SH3BGRL2: variants seen among roughly 807,000 people sequenced by gnomAD.
SH3BGRL2 encodes the protein SH3 domain-binding glutamic acid-rich-like protein 2.
SH3BGRL2 carries 21 observed loss-of-function variants against 14.8 expected under a neutral mutation model. That is an observed-to-expected ratio of 1.42 (90% CI 1.01 to 2.05). SH3BGRL2 has a LOEUF of 2.05. Among genes scored for constraint, SH3BGRL2 ranks in the 30% most tolerant of loss-of-function variants. SH3BGRL2 has a pLI of 0.00. For synonymous variants in SH3BGRL2, 50 were observed against 47.8 expected (o/e 1.05, Z -0.19); for missense variants, 147 against 130.8 (o/e 1.12, Z -0.61).
At chr6:79,597,813 G>A in the SH3BGRL2 span, among the ~76,000 whole-genome samples, 1 of 152,166 alleles carries the variant, frequency 6.6e-6, no homozygotes, top group African/African-American at 2.4e-5. Flanking sequence ...CATCAAGAAA[G>A]TGAAAAGACA....
chr6:79,631,544 G>C (rs370151756), intron 1 of SH3BGRL2, 38 bp downstream of exon 1: 2 of 1,387,518 alleles, frequency 1.4e-6, no homozygotes, highest in South Asian at 1.8e-5. Flanking sequence ...TTGGGGTCGC[G>C]GGGCGCGGGT....
chr6:79,677,322 A>G (rs1043047166), intron 2 of SH3BGRL2, among the ~76,000 whole-genome samples: 1 of 152,200 alleles, frequency 6.6e-6, no homozygotes, highest in East Asian at 1.9e-4. Flanking sequence ...CATGTGAGGC[A>G]TAGAGTAAAC....
chr6:79,691,968 A>C (rs1358197176), intron 2 of SH3BGRL2, among the ~76,000 whole-genome samples: 1 of 152,000 alleles, frequency 6.6e-6, no homozygotes, highest in Non-Finnish European at 1.5e-5. Context: ...TTACAGTCCC[A>C]CCAACAGTGT....
the SH3BGRL2 span, among the ~76,000 whole-genome samples, chr6:79,542,926 C>A: frequency 2.0e-4 from 31 of 152,332 alleles, no homozygotes; most frequent in African/African-American, 7.0e-4. Flanking sequence ...TACCATCTTA[C>A]AGAGAACAGC....
the SH3BGRL2 span, among the ~76,000 whole-genome samples, chr6:79,619,774 T>C: frequency 4.6e-5 from 7 of 152,234 alleles, no homozygotes; most frequent in Admixed American, 4.6e-4. Context: ...TTAATACACC[T>C]TGGTTTTAGC....
At chr6:79,652,502 G>T (rs1388523820) in intron 1 of SH3BGRL2, among the ~76,000 whole-genome samples, 1 of 152,136 alleles carries the variant, frequency 6.6e-6, no homozygotes, top group Non-Finnish European at 1.5e-5. Context: ...TCTGAGAGAG[G>T]CTGTAACCAG....
the SH3BGRL2 span, among the ~76,000 whole-genome samples, chr6:79,620,400 A>G: frequency 6.6e-6 from 1 of 152,114 alleles, no homozygotes; most frequent in Non-Finnish European, 1.5e-5. Context: ...TTATCAGACA[A>G]TTGATGCATG....
At chr6:79,564,284 C>T in the SH3BGRL2 span, among the ~76,000 whole-genome samples, 6 of 151,632 alleles carry the variant, frequency 4.0e-5, no homozygotes, top group African/African-American at 7.3e-5. Flanking sequence ...GAAAAATGAA[C>T]GATTACATTT....
In SH3BGRL2 at chr6:79,640,248, A is replaced by T. The variant is rs77619332; in HGVS notation, c.45+8742A>T. 8.3e-3 allele frequency among the ~76,000 whole-genome samples: 1,261 copies of T among 152,288 alleles called. 20 individuals are homozygous for T. Among genetic ancestry groups the T allele is most frequent in the African/African-American group, 0.028 (1,175 of 41,556 alleles). On this transcript the variant is annotated intron_variant, in intron 1 of 3. Coordinates refer to ENST00000369838, the MANE Select transcript of SH3BGRL2 (RefSeq NM_031469.4). Reference sequence around the variant, plus strand: ...TCTGTCTCCCTCTCTTAATAGGCTTATCTGACTTCATCTGTCAGCACTGGC... The same window carrying T: ...TCTGTCTCCCTCTCTTAATAGGCTTTTCTGACTTCATCTGTCAGCACTGGC...
At chr6:79,611,999 C>A in the SH3BGRL2 span, among the ~76,000 whole-genome samples, 1 of 152,280 alleles carries the variant, frequency 6.6e-6, no homozygotes, top group East Asian at 1.9e-4. Flanking sequence ...AGGCTGGACC[C>A]AGACTTTTAA....
At chr6:79,649,636 C>T (rs1769240735) in intron 1 of SH3BGRL2, among the ~76,000 whole-genome samples, 1 of 152,034 alleles carries the variant, frequency 6.6e-6, no homozygotes, top group South Asian at 2.1e-4. Context: ...TTGTGTTTCT[C>T]CTTTTTATGT....
At chr6:79,595,569 TAAA>T in the SH3BGRL2 span, among the ~76,000 whole-genome samples, 21 of 152,094 alleles carry the variant, frequency 1.4e-4, no homozygotes, top group Non-Finnish European at 2.9e-5. Context: ...CACCAAAAAA[TAAA>T]AACCATATGA....
the SH3BGRL2 span, chr6:79,575,366 A>G: frequency 2.6e-5 from 4 of 152,222 alleles, no homozygotes; most frequent in African/African-American, 9.6e-5. Flanking sequence ...AATTTCCCAT[A>G]CTATATTGGT....
intron 1 of SH3BGRL2, among the ~76,000 whole-genome samples, chr6:79,642,029 C>T (rs1265538958): frequency 6.6e-6 from 1 of 152,170 alleles, no homozygotes; most frequent in Non-Finnish European, 1.5e-5. Flanking sequence ...CCATTCAGAT[C>T]ATATTTTCAC....
At chr6:79,674,071 G>A (rs1229575721) in intron 2 of SH3BGRL2, among the ~76,000 whole-genome samples, 3 of 150,284 alleles carry the variant, frequency 2.0e-5, no homozygotes, top group African/African-American at 7.3e-5. Context: ...ACAGAAGTAG[G>A]AAGGGAAGCT....
intron 1 of SH3BGRL2, among the ~76,000 whole-genome samples, chr6:79,634,248 A>G (rs1768881110): frequency 6.6e-6 from 1 of 152,224 alleles, no homozygotes; most frequent in East Asian, 1.9e-4. Flanking sequence ...ACACCAAGGA[A>G]TGATTCCTCT....
chr6:79,676,986 G>A (rs1769898297), intron 2 of SH3BGRL2, among the ~76,000 whole-genome samples: 1 of 152,154 alleles, frequency 6.6e-6, no homozygotes, highest in South Asian at 2.1e-4. Flanking sequence ...TGTTAGTCCT[G>A]TGGTGGTGGT....
intron 2 of SH3BGRL2, among the ~76,000 whole-genome samples, chr6:79,692,858 A>T (rs1355384263): frequency 6.6e-6 from 1 of 152,172 alleles, no homozygotes; most frequent in African/African-American, 2.4e-5. Flanking sequence ...TTGGTTCCAT[A>T]TGAACTTTAA....
chr6:79,603,349 G>A, the SH3BGRL2 span, among the ~76,000 whole-genome samples: 1 of 152,162 alleles, frequency 6.6e-6, no homozygotes, highest in Non-Finnish European at 1.5e-5. Context: ...ATCCTCAAGA[G>A]GCTATTGTTT....
Sources: gnomAD v4.1 joint callset for allele counts (sites outside exome capture counted in the v4.1 genomes callset) on GRCh38, gnomAD v4.1.1 for gene constraint, MANE v1.5 for transcripts, NCBI Gene and HGNC (gene_info 2026-07-23, HGNC 2026-07-21) for gene names.